The following IRAK1BP1 variants were observed in gnomAD, a reference collection of about 807,000 sequenced individuals.
IRAK1BP1 encodes the protein interleukin 1 receptor associated kinase 1 binding protein 1, also known as interleukin-1 receptor-associated kinase 1-binding protein 1.
Under a neutral mutation model 28.0 loss-of-function variants are expected in IRAK1BP1, and 24 were observed. The ratio of observed to expected loss-of-function variants is 0.86; its 90% CI spans 0.62 to 1.20. The LOEUF (loss-of-function observed/expected upper bound fraction) is 1.20, where lower values mean the gene tolerates loss of function less well. Ranked by LOEUF, IRAK1BP1 falls within the 50% of genes most tolerant of loss-of-function variation. IRAK1BP1 has a pLI of 0.00. For missense variants in IRAK1BP1, 336 were observed against 316.7 expected (o/e 1.06, Z -0.46); for synonymous variants, 131 against 116.3 (o/e 1.13, Z -0.81).
At position 78,867,634 on chromosome 6, in the gene IRAK1BP1, G is replaced by T; in HGVS notation, c.58G>T (p.Asp20Tyr). ...RVFVELVPWA[D>Y]RSRENNLASG... ...GTTCGTGGAACTGGTTCCCTGGGCT[G>T]ACCGGAGCCGGGAGAACAACCTGGC... The change falls in exon 1 of 4, where the codon GAC (aspartate) becomes TAC (tyrosine). Residue 20 changes from aspartate (D) to tyrosine (Y), a missense_variant. Coordinates refer to ENST00000369940, the MANE Select transcript of IRAK1BP1 (RefSeq NM_001010844.4). 6.2e-7 allele frequency: 1 copy of T among 1,614,216 alleles called. No homozygotes were observed. Among genetic ancestry groups the T allele is most frequent in the Non-Finnish European group, 8.5e-7 (1 of 1,180,034 alleles).
In IRAK1BP1 at chr6:78,867,565, G is replaced by C; in HGVS notation, c.-12G>C. 2 of 1,610,032 alleles carry C rather than the reference G, an allele frequency of 1.2e-6. No homozygotes were observed. Among genetic ancestry groups the C allele is most frequent in the Non-Finnish European group, 1.7e-6 (2 of 1,177,734 alleles). ...GGCCGGTAGTTACTATGGAAACCCA[G>C]CTGCCATCGCTATGTCTCTGCAAAA... On this transcript the variant is annotated 5_prime_UTR_variant, in exon 1 of 4. Coordinates refer to ENST00000369940, the MANE Select transcript of IRAK1BP1 (RefSeq NM_001010844.4).
At chr6:78,882,597 A>G (rs1386145649) in intron 1 of IRAK1BP1, among the ~76,000 whole-genome samples, 3 of 152,190 alleles carry the variant, frequency 2.0e-5, no homozygotes, top group Admixed American at 1.3e-4. Flanking sequence ...GAAAACATCA[A>G]TGTCAAAATG....
chr6:78,928,633 G>A (rs895022560), intron 4 of IRAK1BP1, among the ~76,000 whole-genome samples: 1 of 152,102 alleles, frequency 6.6e-6, no homozygotes, highest in African/African-American at 2.4e-5. Context: ...TCCCCACTCA[G>A]TATGATACTA....
chr6:78,933,065 G>A (rs971977535), intron 4 of IRAK1BP1, among the ~76,000 whole-genome samples: 19 of 152,156 alleles, frequency 1.2e-4, no homozygotes, highest in African/African-American at 4.1e-4. Flanking sequence ...AGAATTTTTG[G>A]AATGGTAAAG....
rs1391575068 is a variant in IRAK1BP1, at chr6:78,900,244, C to T, written c.*1910C>T. On this transcript the variant is annotated 3_prime_UTR_variant, in exon 4 of 4. Transcript: ENST00000369940. Reference sequence around the variant, plus strand: ...GAAAGTTAACAGCAAGTATGTATTACTGCTATCTACAGTAAGAATTACATT... The same window carrying T: ...GAAAGTTAACAGCAAGTATGTATTATTGCTATCTACAGTAAGAATTACATT... 1 of 152,230 alleles carries T rather than the reference C, an allele frequency of 6.6e-6. No individual in the cohort carries two copies. The highest frequency in any genetic ancestry group is 2.4e-5 in the African/African-American group (1 of 41,460). 9.4% of individuals were successfully genotyped at this position (152,230 alleles called of 1,614,324 possible).
chr6:78,964,898 T>C, the IRAK1BP1 span, among the ~76,000 whole-genome samples: 1 of 152,238 alleles, frequency 6.6e-6, no homozygotes, highest in South Asian at 2.1e-4. Context: ...ATCTCGACAA[T>C]ATCCTTCTAA....
chr6:78,924,963 A>G (rs1450181807), intron 4 of IRAK1BP1, among the ~76,000 whole-genome samples: 1 of 152,212 alleles, frequency 6.6e-6, no homozygotes, highest in Non-Finnish European at 1.5e-5. Context: ...TGTGGCACAT[A>G]TACACCATGA....
In IRAK1BP1 at chr6:78,921,234, C is replaced by A. The variant is rs187924193; in HGVS notation, c.*67+18124C>A. Among the ~76,000 whole-genome samples the A allele has an allele frequency of 4.3e-4, 66 of 152,310 alleles. No individual in the cohort carries two copies. The East Asian group carries it at 0.012, about 28-fold the overall frequency. On this transcript the variant is annotated intron_variant and NMD_transcript_variant, in intron 4 of 4. Coordinates refer to the IRAK1BP1 transcript ENST00000606868. ...TCGGGTAACTCCCACCCTAATACTG[C>A]ACTTTTCCAACGATCTTCGCAAACG...
At chr6:78,929,565 C>T (rs1772985628) in intron 4 of IRAK1BP1, among the ~76,000 whole-genome samples, 1 of 152,120 alleles carries the variant, frequency 6.6e-6, no homozygotes, top group East Asian at 1.9e-4. Flanking sequence ...GGGGGACAAG[C>T]ATTGAAAAAC....
Position 78,898,674 on chromosome 6 carries a change from T to A in IRAK1BP1, c.*340T>A, listed in dbSNP as rs1353421640. ...TTGCATTTCATAATTTTTAAAGATA[T>A]TTAAGCTAAAATTTTCTCAGCCACA... On this transcript the variant is annotated 3_prime_UTR_variant, in exon 4 of 4. Transcript: ENST00000369940. The A allele has an allele frequency of 1.3e-5, 2 of 151,790 alleles. No homozygotes were observed. Among genetic ancestry groups the A allele is most frequent in the Non-Finnish European group, 2.9e-5 (2 of 67,926 alleles). 9.4% of individuals were successfully genotyped at this position (151,790 alleles called of 1,614,324 possible). A position where few individuals can be genotyped will look rare whatever the true frequency, so the allele number is the denominator to read the frequency against.
At chr6:78,929,486 A>T (rs1165141465) in intron 4 of IRAK1BP1, among the ~76,000 whole-genome samples, 1 of 152,138 alleles carries the variant, frequency 6.6e-6, no homozygotes, top group Admixed American at 6.5e-5. Flanking sequence ...GGAGCTAAAC[A>T]TTGGTTACTC....
intron 4 of IRAK1BP1, among the ~76,000 whole-genome samples, chr6:78,908,303 A>C (rs527528977): frequency 9.9e-5 from 15 of 152,072 alleles, no homozygotes; most frequent in Non-Finnish European, 1.6e-4. Context: ...CACCCGCCTC[A>C]GCATCCCAAA....
chr6:78,943,813 C>A (rs1300873622), intron 4 of IRAK1BP1, among the ~76,000 whole-genome samples: 1 of 151,664 alleles, frequency 6.6e-6, no homozygotes, highest in African/African-American at 2.4e-5. Context: ...ATGGTGAAAT[C>A]CTGTCTATAT....
chr6:78,909,446 A>G (rs1026921420), intron 4 of IRAK1BP1, among the ~76,000 whole-genome samples: 2 of 152,222 alleles, frequency 1.3e-5, no homozygotes, highest in Non-Finnish European at 2.9e-5. Context: ...AGCAATTTTC[A>G]TAAAGTACTT....
At chr6:78,961,789 G>T in the IRAK1BP1 span, 2 of 1,610,230 alleles carry the variant, frequency 1.2e-6, no homozygotes, top group South Asian at 1.1e-5. Flanking sequence ...ATCCACGGGG[G>T]CCACAAATGC....
rs1351606173 is a variant in IRAK1BP1 at position 78,898,421 on chromosome 6, T to TATATATATATATATATATAC, written c.*106_*107insCATATATATATATATATATA. ...TTTACGTTTGTCCTGAATATATATATATATATATATATATATATATATATG... is the reference window on the plus strand; with the variant it reads ...TTTACGTTTGTCCTGAATATATATATATATATATATATATATATACATATATATATATATATATATATATG... On this transcript the variant is annotated 3_prime_UTR_variant, in exon 4 of 4. Coordinates refer to ENST00000369940, the MANE Select transcript of IRAK1BP1 (RefSeq NM_001010844.4). 6.6e-6 allele frequency: 1 copy of TATATATATATATATATATAC among 151,660 alleles called. No individual in the cohort carries two copies. Among genetic ancestry groups the TATATATATATATATATATAC allele is most frequent in the East Asian group, 2.2e-4 (1 of 4,546 alleles). The allele number at this position is 151,660 out of a possible 1,614,324, so 9.4% of individuals were successfully genotyped here. A position where few individuals can be genotyped will look rare whatever the true frequency, so the allele number is the denominator to read the frequency against.
chr6:78,958,303 C>T, the IRAK1BP1 span: 3 of 444,846 alleles, frequency 6.7e-6, no homozygotes, highest in African/African-American at 4.0e-5. Flanking sequence ...TTCTGAAACC[C>T]AGGATCAAAC....
intron 4 of IRAK1BP1, among the ~76,000 whole-genome samples, chr6:78,908,157 T>C (rs1402292258): frequency 6.6e-6 from 1 of 151,758 alleles, no homozygotes; most frequent in African/African-American, 2.4e-5. Context: ...TTCAAGCAAT[T>C]CTCCTGCCTC....
chr6:78,960,466 T>TC, the IRAK1BP1 span, among the ~76,000 whole-genome samples: 7 of 151,072 alleles, frequency 4.6e-5, no homozygotes, highest in African/African-American at 7.3e-5. Context: ...TTTTTTTTTT[T>TC]CTCTTAAACT....
Sources: gnomAD v4.1 joint callset for allele counts (sites outside exome capture counted in the v4.1 genomes callset) on GRCh38, gnomAD v4.1.1 for gene constraint, MANE v1.5 for transcripts, NCBI Gene and HGNC (gene_info 2026-07-23, HGNC 2026-07-21) for gene names.